The following CHMP5 variants were observed in gnomAD, a reference collection of about 807,000 sequenced individuals.
The protein encoded by CHMP5 is SNF7 domain containing 2.
CHMP5 carries 17 observed loss-of-function variants against 33.0 expected under a neutral mutation model. The observed-to-expected ratio is 0.52, with a 90% confidence interval of 0.35 to 0.77. The LOEUF (loss-of-function observed/expected upper bound fraction) is 0.77. CHMP5 is among the 30% of genes least tolerant of loss of function. CHMP5 has a pLI of 0.01. For missense variants in CHMP5, 216 were observed against 261.5 expected (o/e 0.83, Z 1.20); for synonymous variants, 76 against 90.2 (o/e 0.84, Z 0.89).
intron 3 of CHMP5, 99 bp downstream of exon 3, chr9:33,267,998 G>T: frequency 1.2e-6 from 1 of 801,938 alleles, no homozygotes; most frequent in Non-Finnish European, 2.1e-6. Context: ...AAGCACTCTT[G>T]ATTTAATTAC....
intron 5 of CHMP5, among the ~76,000 whole-genome samples, chr9:33,275,137 G>A (rs1412301102): frequency 6.6e-6 from 1 of 152,182 alleles, no homozygotes. Context: ...AACTGCACGA[G>A]TCACTTATAT....
At chr9:33,266,595 A>T (rs1355233802) in intron 2 of CHMP5, among the ~76,000 whole-genome samples, 2 of 152,190 alleles carry the variant, frequency 1.3e-5, no homozygotes, top group African/African-American at 4.8e-5. Flanking sequence ...TTTGCAATCA[A>T]ATATGGAAGG....
At position 33,280,891 on chromosome 9, in the gene CHMP5, AAAC is replaced by A. The variant is rs762799390; in HGVS notation, c.*34_*36del. On this transcript the variant is annotated 3_prime_UTR_variant, in exon 8 of 8. Coordinates refer to ENST00000223500, the MANE Select transcript of CHMP5 (RefSeq NM_016410.6). ...ATCATTCAAGCATATCTTGTAAAAC[AAAC>A]ACATATTATGGGACTAGGAAATATT... 16 of 1,568,882 alleles carry A rather than the reference AAAC, an allele frequency of 1.0e-5. No individual in the cohort carries two copies. Among genetic ancestry groups the A allele is most frequent in the African/African-American group, 1.4e-5 (1 of 73,600 alleles).
At chr9:33,276,888 C>T (rs180761674) in intron 6 of CHMP5, among the ~76,000 whole-genome samples, 52 of 152,150 alleles carry the variant, frequency 3.4e-4, no homozygotes, top group African/African-American at 1.2e-3. Flanking sequence ...GAGTCCTCTC[C>T]CTCAGAACAG....
intron 2 of CHMP5, among the ~76,000 whole-genome samples, chr9:33,266,826 G>A (rs1416668437): frequency 6.6e-6 from 1 of 152,212 alleles, no homozygotes; most frequent in African/African-American, 2.4e-5. Flanking sequence ...TGGGACCAGT[G>A]TTCTAATACA....
At chr9:33,267,750 A>T in intron 2 of CHMP5, 103 bp from the exon 3 acceptor site, 1 of 740,144 alleles carries the variant, frequency 1.4e-6, no homozygotes. Context: ...TACTACTTTG[A>T]AGAAGAGAGG....
In CHMP5 at chr9:33,270,720, C is replaced by T. The variant is rs752603612; in HGVS notation, c.315+4C>T. On this transcript the variant is annotated splice_donor_region_variant and intron_variant, in intron 4 of 7. Transcript: ENST00000223500. ...TTTGAAGGACACCAAGACCACGGTA[C>T]TCCCAAAACACCTTTTCCTGTTATT... The T allele has an allele frequency of 3.8e-6, 6 of 1,586,922 alleles. No individual in the cohort carries two copies. The African/African-American group carries it at 5.4e-5, about 14-fold the overall frequency.
intron 7 of CHMP5, among the ~76,000 whole-genome samples, chr9:33,280,602 C>G (rs1330053446): frequency 1.3e-5 from 2 of 152,178 alleles, no homozygotes; most frequent in African/African-American, 4.8e-5. Flanking sequence ...TGGAGGAGCC[C>G]CCTTTTGGCC....
chr9:33,266,519 A>G (rs1399978749), intron 2 of CHMP5, among the ~76,000 whole-genome samples: 1 of 152,172 alleles, frequency 6.6e-6, no homozygotes, highest in East Asian at 1.9e-4. Flanking sequence ...GAGCATCCCT[A>G]CAGAAGAGAT....
At chr9:33,273,682 G>A (rs1214128138) in intron 5 of CHMP5, among the ~76,000 whole-genome samples, 2 of 149,178 alleles carry the variant, frequency 1.3e-5, no homozygotes, top group African/African-American at 4.9e-5. Context: ...TTTTTCAGTT[G>A]CTGCATATCA....
At chr9:33,274,053 T>A (rs1820825283) in intron 5 of CHMP5, among the ~76,000 whole-genome samples, 1 of 152,138 alleles carries the variant, frequency 6.6e-6, no homozygotes, top group African/African-American at 2.4e-5. Flanking sequence ...TACTACCCTT[T>A]TCACCTTTCA....
chr9:33,266,881 TC>T (rs946976929), intron 2 of CHMP5, among the ~76,000 whole-genome samples: 2 of 152,176 alleles, frequency 1.3e-5, no homozygotes, highest in African/African-American at 4.8e-5. Context: ...TCACTTATTT[TC>T]CACTCCTGTT....
chr9:33,278,893 T>C (rs920034133), intron 7 of CHMP5, among the ~76,000 whole-genome samples: 4 of 152,200 alleles, frequency 2.6e-5, no homozygotes, highest in African/African-American at 4.8e-5. Flanking sequence ...TGTAAAGGAC[T>C]GTGCAAACTT....
chr9:33,268,543 C>T (rs1820755938), intron 3 of CHMP5, among the ~76,000 whole-genome samples: 1 of 152,224 alleles, frequency 6.6e-6, no homozygotes, highest in Admixed American at 6.5e-5. Context: ...GTCAGTGTCT[C>T]TCTTCCTATA....
At position 33,280,792 on chromosome 9, in the gene CHMP5, T is replaced by G. The variant is rs1820913132; in HGVS notation, c.610-17T>G. 1 of 1,602,292 alleles carries G rather than the reference T, an allele frequency of 6.2e-7. No individual in the cohort carries two copies. The highest frequency in any genetic ancestry group is 2.2e-5 in the East Asian group (1 of 44,778). On this transcript the variant is annotated splice_polypyrimidine_tract_variant and intron_variant, in intron 7 of 7. Coordinates refer to ENST00000223500, the MANE Select transcript of CHMP5 (RefSeq NM_016410.6). ...AATAGAAAAATAGTGGCACTAAACA[T>G]TGCTTCCTTTTTACAGGATGGAGTT... is the stretch of plus-strand genomic sequence containing the variant.
chr9:33,278,344 A>G (rs1820880101), intron 7 of CHMP5, 119 bp downstream of exon 7: 3 of 651,150 alleles, frequency 4.6e-6, no homozygotes, highest in South Asian at 2.0e-5. Context: ...AGTCCTGGTC[A>G]TTATTTTGTG....
chr9:33,280,751 C>CTTT, intron 7 of CHMP5, 58 bp from the exon 8 acceptor site: 2 of 1,132,278 alleles, frequency 1.8e-6, no homozygotes, highest in Non-Finnish European at 2.4e-6. Flanking sequence ...GTTTGTAATC[C>CTTT]TTTTTTTTTT....
At chr9:33,272,084 G>A (rs181527542) in intron 5 of CHMP5, among the ~76,000 whole-genome samples, 26 of 152,218 alleles carry the variant, frequency 1.7e-4, no homozygotes, top group Admixed American at 6.5e-4. Flanking sequence ...TATTGGAATT[G>A]GGTTTTGACC....
At chr9:33,274,679 G>T (rs1231202529) in intron 5 of CHMP5, among the ~76,000 whole-genome samples, 1 of 151,996 alleles carries the variant, frequency 6.6e-6, no homozygotes, top group Non-Finnish European at 1.5e-5. Context: ...GCGGTGGCGC[G>T]ATCTCGGCTC....
Sources: allele counts gnomAD v4.1 joint callset (sites outside exome capture counted in the v4.1 genomes callset), GRCh38; gene constraint gnomAD v4.1.1; transcripts MANE v1.5; gene names NCBI Gene and HGNC (gene_info 2026-07-23, HGNC 2026-07-21).